The following MTOR variants were observed in gnomAD, a reference collection of about 807,000 sequenced individuals.
MTOR encodes serine/threonine-protein kinase mTOR.
In MTOR, 70 loss-of-function variants were observed where a neutral mutation model predicts 319.8. The observed-to-expected ratio is 0.22, with a 90% CI of 0.18 to 0.27. MTOR has a LOEUF of 0.27. Ranked by LOEUF, MTOR falls within the 10% of genes least tolerant of loss-of-function variation. MTOR has a pLI of 1.00. For missense variants in MTOR, 1,890 were observed against 3,274.4 expected, an observed-to-expected ratio of 0.58 and a Z score of 10.32; for synonymous variants, 1,183 against 1,211.4, an observed-to-expected ratio of 0.98 and a Z score of 0.49.
rs1642902779 is a variant in MTOR at position 11,127,541 on chromosome 1, A to T, written c.6216+83T>A. On this transcript the variant is annotated intron_variant, in intron 44 of 57. Transcript: ENST00000361445. The surrounding 1 kb of genome is among the most constrained non-coding windows in gnomAD (Gnocchi z 5.5). The stretch of plus-strand genomic sequence containing the variant: ...GCCTTGGGTCACGTCCTTTCATTCT[A>T]TAAAAACTTTTCTCATTTCATTTTT... 3 of 1,486,398 alleles carry T rather than the reference A, an allele frequency of 2.0e-6. No homozygotes were observed. The highest frequency in any genetic ancestry group is 2.7e-6 in the Non-Finnish European group (3 of 1,107,316). The allele number at this position is 1,486,398 out of a possible 1,614,324, so 92.1% of individuals were successfully genotyped here. A position where few individuals can be genotyped will look rare whatever the true frequency, so the allele number is the denominator to read the frequency against.
chr1:11,191,997 T>C (rs1645555960), intron 28 of MTOR, among the ~76,000 whole-genome samples: 1 of 152,168 alleles, frequency 6.6e-6, no homozygotes, highest in Non-Finnish European at 1.5e-5. Context: ...AGCAGAATAA[T>C]TTATTTCAGA....
intron 29 of MTOR, among the ~76,000 whole-genome samples, chr1:11,160,941 G>T (rs548590350): frequency 6.6e-6 from 1 of 152,286 alleles, no homozygotes; most frequent in Admixed American, 6.5e-5. Context: ...GTGGGTGCAG[G>T]ACAGTGGGTG....
At chr1:11,179,295 G>C (rs1275092704) in intron 28 of MTOR, among the ~76,000 whole-genome samples, 2 of 152,086 alleles carry the variant, frequency 1.3e-5, no homozygotes, top group African/African-American at 2.4e-5. Flanking sequence ...ACAATTCAAG[G>C]TTTCAGAGCA....
intron 29 of MTOR, among the ~76,000 whole-genome samples, chr1:11,159,345 G>T (rs1644405072): frequency 6.6e-6 from 1 of 152,124 alleles, no homozygotes; most frequent in Non-Finnish European, 1.5e-5. Flanking sequence ...TCTAGTTACA[G>T]ATAATATGTG....
chr1:11,177,596 G>C (rs1483057669), intron 28 of MTOR, among the ~76,000 whole-genome samples: 1 of 152,038 alleles, frequency 6.6e-6, no homozygotes, highest in African/African-American at 2.4e-5. Context: ...CTCAGGCTCA[G>C]AGTGGCCTAA....
In MTOR at chr1:11,234,082, T is replaced by C. The variant is rs180690560; in HGVS notation, c.2331+61A>G. ...ACTAGTGAACACTGAAACACTCCCA[T>C]CTCCCCATATGAGCTGATGACAACG... is the stretch of plus-strand genomic sequence containing the variant. On this transcript the variant is annotated intron_variant, in intron 14 of 57. Coordinates refer to ENST00000361445, the MANE Select transcript of MTOR (RefSeq NM_004958.4). 177 of 1,611,132 alleles carry C rather than the reference T, an allele frequency of 1.1e-4. 2 individuals carry two copies. In the African/African-American group the frequency reaches 1.8e-3, roughly 17 times the overall value.
chr1:11,202,933 C>T (rs1347320138), intron 26 of MTOR, among the ~76,000 whole-genome samples: 1 of 151,496 alleles, frequency 6.6e-6, no homozygotes, highest in African/African-American at 2.4e-5. Context: ...AAAAACCAGG[C>T]GGGGCGTGGT....
chr1:11,237,752 C>T (rs150478292), intron 13 of MTOR, 91 bp downstream of exon 13: 15 of 1,387,686 alleles, frequency 1.1e-5, no homozygotes, highest in Middle Eastern at 1.9e-4. Context: ...CTTTCTCCCC[C>T]ATCCTTGTCC....
chr1:11,217,478 C>T (rs1207171664), intron 19 of MTOR, among the ~76,000 whole-genome samples: 1 of 151,410 alleles, frequency 6.6e-6, no homozygotes, highest in South Asian at 2.1e-4. Flanking sequence ...TGCAAGCTCC[C>T]GGGTTCAAGC....
chr1:11,121,929 A>G lies in MTOR; in HGVS notation c.6810+50T>C, dbSNP rs1183673035. ...AGGAATGAGAAAAGCAGCGCTACGG[A>G]GATTCCCTGCCACGGAAGGGGCACT... On this transcript the variant is annotated intron_variant, in intron 48 of 57. Transcript: ENST00000361445. This position sits in a 1 kb window ranked among gnomAD's most constrained non-coding sequence, Gnocchi z 4.9. The G allele has an allele frequency of 6.2e-7, 1 of 1,605,510 alleles. No homozygotes were observed. The highest frequency in any genetic ancestry group is 1.1e-5 in the South Asian group (1 of 90,310).
chr1:11,192,448 T>G, intron 28 of MTOR: 6 of 1,256,206 alleles, frequency 4.8e-6, no homozygotes, highest in Non-Finnish European at 6.9e-6. Flanking sequence ...AACAGGGCCA[T>G]TCACAGTTTA....
At chr1:11,194,747 T>G (rs1439969448) in intron 28 of MTOR, 19 of 1,599,996 alleles carry the variant, frequency 1.2e-5, no homozygotes, top group Non-Finnish European at 1.3e-5. Context: ...AACTGTACAG[T>G]TGATATTCCG....
chr1:11,145,153 G>C, intron 32 of MTOR, 108 bp from the exon 33 acceptor site: 1 of 954,240 alleles, frequency 1.0e-6, no homozygotes, highest in Non-Finnish European at 1.6e-6. Context: ...TAAATTCCAG[G>C]GATGAAAAGA....
intron 17 of MTOR, 77 bp downstream of exon 17, chr1:11,231,223 T>G (rs1457033070): frequency 3.1e-6 from 5 of 1,599,190 alleles, no homozygotes; most frequent in Non-Finnish European, 4.3e-6. Context: ...TGTCAGAGCA[T>G]GTTAATGCTG....
At chr1:11,165,113 T>C (rs2100600488) in intron 29 of MTOR, among the ~76,000 whole-genome samples, 2 of 152,152 alleles carry the variant, frequency 1.3e-5, no homozygotes, top group African/African-American at 4.8e-5. Flanking sequence ...TAATAAGAGA[T>C]ATTTATGACA....
At chr1:11,222,487 G>C (rs1379459225) in intron 19 of MTOR, among the ~76,000 whole-genome samples, 3 of 152,116 alleles carry the variant, frequency 2.0e-5, no homozygotes, top group Non-Finnish European at 2.9e-5. Context: ...GTGGGCCACT[G>C]CGCCCAGCCT....
Position 11,247,920 on chromosome 1 carries a change from G to A in MTOR, c.1015C>T (p.His339Tyr), listed in dbSNP as rs763747029. Residue 339 changes from histidine to tyrosine, a missense_variant, in exon 7 of 58, where the codon CAC becomes TAC. Physicochemically the swap from His to Tyr is moderately conservative, Grantham distance 83. This residue lies in a region of MTOR where 418 missense variants were observed against 543.1 expected (regional missense o/e 0.77). Transcript: ENST00000361445. ...GTCCCAAATCCCATGAGGCCTTGGTGAGAGCTGTACCCCAGCAGCCCCACC... is the reference window on the plus strand; with the variant it reads ...GTCCCAAATCCCATGAGGCCTTGGTAAGAGCTGTACCCCAGCAGCCCCACC... Reference protein sequence around the residue: ...ALVGLLGYSSHQGLMGFGTSP... With the variant: ...ALVGLLGYSSYQGLMGFGTSP... The A allele has an allele frequency of 1.2e-6, 2 of 1,614,204 alleles. No homozygotes were observed. The highest frequency in any genetic ancestry group is 1.1e-5 in the South Asian group (1 of 91,080).
chr1:11,205,698 G>A (rs528903087), intron 25 of MTOR, among the ~76,000 whole-genome samples: 26 of 152,274 alleles, frequency 1.7e-4, no homozygotes, highest in Admixed American at 4.6e-4. Context: ...GAATAAAGGA[G>A]CAAAAAATGA....
At chr1:11,235,268 C>T (rs1168155162) in intron 13 of MTOR, among the ~76,000 whole-genome samples, 1 of 152,200 alleles carries the variant, frequency 6.6e-6, no homozygotes, top group Non-Finnish European at 1.5e-5. Flanking sequence ...GCCCGAGAGC[C>T]TCACTGCATC....
Sources: gnomAD v4.1 joint callset for allele counts (sites outside exome capture counted in the v4.1 genomes callset) on GRCh38, gnomAD v4.1.1 for gene constraint, gnomAD v4.1.1 regional missense constraint, Gnocchi (gnomAD v3.1) non-coding constraint, MANE v1.5 for transcripts, NCBI Gene and HGNC (gene_info 2026-07-23, HGNC 2026-07-21) for gene names.